PROM1: variants seen among roughly 807,000 people sequenced by gnomAD.
The protein encoded by PROM1 is prominin 1.
PROM1 carries 105 observed loss-of-function variants against 116.9 expected under a neutral mutation model. That is an observed-to-expected ratio of 0.90 (90% CI 0.77 to 1.06). PROM1 has a LOEUF of 1.06. Ranked by LOEUF, PROM1 falls within the 50% of genes least tolerant of loss-of-function variation. The pLI is 0.00. For missense variants in PROM1, 1,122 were observed against 1,045.2 expected, an observed-to-expected ratio of 1.07 and a Z score of -1.01; for synonymous variants, 393 against 387.0, an observed-to-expected ratio of 1.02 and a Z score of -0.18.
chr4:16,077,910 C>G (rs771342807), intron 1 of PROM1, among the ~76,000 whole-genome samples: 5 of 152,238 alleles, frequency 3.3e-5, no homozygotes, highest in Admixed American at 6.5e-5. Flanking sequence ...CACCCCGAAT[C>G]CAAAGTAGAA....
chr4:16,041,418 G>C (rs1484935646), intron 2 of PROM1, among the ~76,000 whole-genome samples: 1 of 152,114 alleles, frequency 6.6e-6, no homozygotes, highest in African/African-American at 2.4e-5. Context: ...AAAAGCATTT[G>C]TGCAAGTGTT....
At chr4:15,992,686 C>T (rs1206743812) in intron 16 of PROM1, among the ~76,000 whole-genome samples, 1 of 152,200 alleles carries the variant, frequency 6.6e-6, no homozygotes, top group Admixed American at 6.5e-5. Flanking sequence ...ACTTGACTGG[C>T]ATCTCTTCCT....
At chr4:16,016,782 C>T (rs941878292) in intron 9 of PROM1, among the ~76,000 whole-genome samples, 2 of 152,150 alleles carry the variant, frequency 1.3e-5, no homozygotes, top group Non-Finnish European at 2.9e-5. Flanking sequence ...AAGAAAACAT[C>T]AAACAACCCT....
chr4:16,007,772 T>C (rs1479566324), intron 12 of PROM1, among the ~76,000 whole-genome samples: 2 of 152,086 alleles, frequency 1.3e-5, no homozygotes, highest in Non-Finnish European at 2.9e-5. Context: ...TGATCTCTAA[T>C]GAGATTATAA....
intron 27 of PROM1, 103 bp downstream of exon 27, chr4:15,970,940 C>T: frequency 1.1e-6 from 1 of 909,810 alleles, no homozygotes; most frequent in Non-Finnish European, 1.7e-6. Flanking sequence ...ATCTAGATTT[C>T]CCACTTAATG....
At chr4:16,025,462 C>T (rs1201015923) in intron 5 of PROM1, 150 bp from the exon 6 acceptor site, 2 of 1,013,776 alleles carry the variant, frequency 2.0e-6, no homozygotes, top group Non-Finnish European at 1.4e-6. Flanking sequence ...ACATCCTTCC[C>T]ACCGCCATCC....
chr4:15,988,132 T>A (rs1719967172), intron 19 of PROM1, among the ~76,000 whole-genome samples: 1 of 152,148 alleles, frequency 6.6e-6, no homozygotes, highest in East Asian at 1.9e-4. Context: ...CGCCTCGGCC[T>A]CCCAAAGTGC....
intron 2 of PROM1, among the ~76,000 whole-genome samples, chr4:16,062,427 AT>A (rs1192822439): frequency 6.6e-6 from 1 of 152,226 alleles, no homozygotes; most frequent in African/African-American, 2.4e-5. Context: ...TTAATGAATA[AT>A]AAATAAATAC....
intron 2 of PROM1, among the ~76,000 whole-genome samples, chr4:16,053,660 T>C (rs2149480235): frequency 6.6e-6 from 1 of 152,308 alleles, no homozygotes; most frequent in East Asian, 1.9e-4. Context: ...TTGCTTTAAA[T>C]GCTTCAGCAA....
chr4:15,989,884 C>T (rs1454511440), intron 18 of PROM1, 60 bp from the exon 19 acceptor site: 1 of 1,370,044 alleles, frequency 7.3e-7, no homozygotes, highest in Non-Finnish European at 1.0e-6. Context: ...AGCACTCTCG[C>T]TATCCTCAGG....
chr4:15,988,349 G>C (rs1261402780), intron 19 of PROM1, among the ~76,000 whole-genome samples: 2 of 152,256 alleles, frequency 1.3e-5, no homozygotes, highest in Non-Finnish European at 2.9e-5. Context: ...CCCCGCAAGA[G>C]TGGTTAACCT....
intron 23 of PROM1, among the ~76,000 whole-genome samples, chr4:15,983,677 C>T (rs966178770): frequency 1.6e-4 from 25 of 152,248 alleles, no homozygotes; most frequent in African/African-American, 5.5e-4. Flanking sequence ...GCAGAGAGCA[C>T]ACAGTGAGAT....
chr4:15,991,079 C>G (rs2058144), intron 18 of PROM1, 143 bp downstream of exon 18: 2 of 662,980 alleles, frequency 3.0e-6, no homozygotes, highest in South Asian at 3.9e-5. Context: ...TGGACGGAAA[C>G]GTAATGACAC....
intron 14 of PROM1, 32 bp from the exon 15 acceptor site, chr4:15,998,520 T>C (rs1457087474): frequency 1.3e-6 from 2 of 1,541,378 alleles, no homozygotes; most frequent in Non-Finnish European, 1.7e-6. Flanking sequence ...TTTCGAAAAA[T>C]CAGTTTTACA....
At position 16,009,165 on chromosome 4, in the gene PROM1, T is replaced by C. The variant is rs1010264127; in HGVS notation, c.1142-57A>G. 12 of 1,506,654 alleles carry C rather than the reference T, an allele frequency of 8.0e-6. No homozygotes were observed. In the African/African-American group the frequency reaches 1.7e-4, roughly 21 times the overall value. 93.3% of individuals were successfully genotyped at this position (1,506,654 alleles called of 1,614,324 possible). A position where few individuals can be genotyped will look rare whatever the true frequency, so the allele number is the denominator to read the frequency against. On this transcript the variant is annotated intron_variant, in intron 11 of 27. Transcript: ENST00000447510. Reference sequence around the variant, plus strand: ...GCAAACATGGAGGAAATAGAAACTTTGTTTTGGAACCAAACAGAAAAGCCT... The same window carrying C: ...GCAAACATGGAGGAAATAGAAACTTCGTTTTGGAACCAAACAGAAAAGCCT...
At chr4:16,073,450 C>T (rs1743258159) in intron 2 of PROM1, among the ~76,000 whole-genome samples, 1 of 152,086 alleles carries the variant, frequency 6.6e-6, no homozygotes, top group Non-Finnish European at 1.5e-5. Context: ...TTATATGTGT[C>T]CTCTACATTG....
Position 15,969,001 on chromosome 4 carries a change from C to G in PROM1, c.*392G>C, listed in dbSNP as rs1052112383. ...TCTTTCCTGTAAACTGGTGTGTGTT[C>G]AGCACACTCCACACATGGCAATATG... On this transcript the variant is annotated 3_prime_UTR_variant, in exon 28 of 28. Transcript: ENST00000447510. 3.9e-5 allele frequency: 6 copies of G among 152,308 alleles called. No homozygotes were observed. The highest frequency in any genetic ancestry group is 3.9e-4 in the Admixed American group (6 of 15,304). 9.4% of individuals were successfully genotyped at this position (152,308 alleles called of 1,614,324 possible).
At chr4:15,971,154 A>C in intron 26 of PROM1, 72 bp from the exon 27 acceptor site, 1 of 1,313,294 alleles carries the variant, frequency 7.6e-7, no homozygotes, top group Non-Finnish European at 1.1e-6. Flanking sequence ...CCTCTGTGCT[A>C]AGAAGCAGGC....
intron 2 of PROM1, among the ~76,000 whole-genome samples, chr4:16,074,962 C>A (rs1320309967): frequency 6.6e-6 from 1 of 152,196 alleles, no homozygotes; most frequent in African/African-American, 2.4e-5. Flanking sequence ...TTAAGCCAAT[C>A]AAAAATTTAG....
Sources: allele counts gnomAD v4.1 joint callset (sites outside exome capture counted in the v4.1 genomes callset), GRCh38; gene constraint gnomAD v4.1.1; transcripts MANE v1.5; gene names NCBI Gene and HGNC (gene_info 2026-07-23, HGNC 2026-07-21).